AEBP2: variants seen among roughly 807,000 people sequenced by gnomAD.
AEBP2 encodes the protein AE binding protein 2, also known as zinc finger protein AEBP2.
AEBP2 carries 10 observed loss-of-function variants against 50.8 expected under a neutral mutation model. The ratio of observed to expected loss-of-function variants is 0.20; its 90% CI spans 0.12 to 0.33. The LOEUF (loss-of-function observed/expected upper bound fraction) is 0.33. Among genes scored for constraint, AEBP2 ranks in the 10% least tolerant of loss-of-function variants. The pLI is 1.00. For missense variants in AEBP2, 570 were observed against 688.0 expected (o/e 0.83, Z 1.92); for synonymous variants, 296 against 261.3 (o/e 1.13, Z -1.28).
In AEBP2 at chr12:19,404,930, C is replaced by CTTTT. The variant is rs34351225; in HGVS notation, c.-17+733_-17+736dup. ...CGTGATTCCAACTTCCTTGGCTACT[C>CTTTT]TTTTTTTTTTTTTTTTTTTTTTCAG... is the stretch of plus-strand genomic sequence containing the variant. On this transcript the variant is annotated intron_variant, in intron 1 of 3. Coordinates refer to the AEBP2 transcript ENST00000538425. 9.2e-4 allele frequency among the ~76,000 whole-genome samples: 88 copies of CTTTT among 95,672 alleles called. 4 individuals are homozygous for CTTTT. The highest frequency in any genetic ancestry group is 2.4e-3 in the African/African-American group (56 of 23,214). The allele number at this position is 95,672 out of a possible 152,430, so 62.8% of individuals were successfully genotyped here.
intron 3 of AEBP2, 65 bp from the exon 4 acceptor site, chr12:19,493,735 C>T (rs958922309): frequency 2.8e-6 from 4 of 1,442,850 alleles, no homozygotes; most frequent in Non-Finnish European, 3.8e-6. Flanking sequence ...GATATTCACT[C>T]ATTGATATTC....
chr12:19,456,796 A>G (rs1226601483), intron 1 of AEBP2: 1 of 1,568,710 alleles, frequency 6.4e-7, no homozygotes. Context: ...ACTGGAGCAA[A>G]GGTGACCACC....
chr12:19,483,495 G>A (rs1001577144), intron 3 of AEBP2, among the ~76,000 whole-genome samples: 24 of 151,952 alleles, frequency 1.6e-4, no homozygotes, highest in African/African-American at 5.6e-4. Context: ...GAATTTTTTC[G>A]GTTTGCCTGG....
chr12:19,421,344 CAAAAAA>C (rs375160231), intron 1 of AEBP2, among the ~76,000 whole-genome samples: 2 of 82,446 alleles, frequency 2.4e-5, no homozygotes, highest in East Asian at 3.5e-4. Context: ...GACTCTGTCT[CAAAAAA>C]AAAAAAAAAA....
intron 7 of AEBP2, among the ~76,000 whole-genome samples, chr12:19,516,781 C>T (rs1186186881): frequency 6.6e-6 from 1 of 152,138 alleles, no homozygotes; most frequent in East Asian, 1.9e-4. Context: ...TATCCCAACA[C>T]TTTGGGAGGC....
chr12:19,516,704 GTAGATT>G (rs1455273915), intron 7 of AEBP2, among the ~76,000 whole-genome samples: 1 of 152,074 alleles, frequency 6.6e-6, no homozygotes, highest in East Asian at 1.9e-4. Flanking sequence ...AGGTGCTTCT[GTAGATT>G]TAATTTTCCT....
At chr12:19,497,416 A>G (rs553014354) in intron 4 of AEBP2, among the ~76,000 whole-genome samples, 3 of 144,050 alleles carry the variant, frequency 2.1e-5, no homozygotes, top group South Asian at 2.2e-4. Context: ...GCTCACAGCA[A>G]CCTGTAATGT....
Position 19,520,009 on chromosome 12 carries a change from A to G in AEBP2, c.*1892A>G, listed in dbSNP as rs189008026. 6.6e-4 allele frequency: 100 copies of G among 152,660 alleles called. No homozygotes were observed. Among genetic ancestry groups the G allele is most frequent in the Middle Eastern group, 3.4e-3 (1 of 294 alleles). The allele number at this position is 152,660 out of a possible 1,614,324, so 9.5% of individuals were successfully genotyped here. On this transcript the variant is annotated 3_prime_UTR_variant, in exon 8 of 8. Coordinates refer to ENST00000266508, the MANE Select transcript of AEBP2 (RefSeq NM_153207.5). ...TTTCTTTTGCTTAAGCACTTCATCA[A>G]TTGCTTTATTCTGTATCTGCGAAGT...
chr12:19,455,634 A>G (rs2153368953), intron 1 of AEBP2, among the ~76,000 whole-genome samples: 1 of 152,342 alleles, frequency 6.6e-6, no homozygotes, highest in Non-Finnish European at 1.5e-5. Flanking sequence ...TTCTGGATGT[A>G]TGAGTGAGAC....
At position 19,440,206 on chromosome 12, in the gene AEBP2, C is replaced by A; in HGVS notation, c.507C>A (p.Gly169=). Residue 169 remains glycine (G), a synonymous_variant, in exon 1 of 8, where the codon GGC becomes GGA. Coordinates refer to ENST00000266508, the MANE Select transcript of AEBP2 (RefSeq NM_153207.5). The part of the protein sequence containing the change: ...EEPKGPRGSQ[G]GGGGGSSSSS... ...CCAAGGGACCGCGGGGCAGCCAGGGCGGCGGCGGGGGCGGCAGCAGTAGCA... is the reference window on the plus strand; with the variant it reads ...CCAAGGGACCGCGGGGCAGCCAGGGAGGCGGCGGGGGCGGCAGCAGTAGCA... 1 of 1,449,084 alleles carries A rather than the reference C, an allele frequency of 6.9e-7. No individual in the cohort carries two copies. Among genetic ancestry groups the A allele is most frequent in the East Asian group, 2.7e-5 (1 of 37,468 alleles). The allele number at this position is 1,449,084 out of a possible 1,614,324, so 89.8% of individuals were successfully genotyped here.
chr12:19,473,331 A>G lies in AEBP2; in HGVS notation c.963A>G (p.Thr321=). 1 of 1,510,848 alleles carries G rather than the reference A, an allele frequency of 6.6e-7. No homozygotes were observed. 93.6% of individuals were successfully genotyped at this position (1,510,848 alleles called of 1,614,324 possible). The change falls in exon 3 of 8, where the codon ACA becomes ACG. Residue 321 remains threonine, a synonymous_variant. Coordinates refer to ENST00000266508, the MANE Select transcript of AEBP2 (RefSeq NM_153207.5). ...SQSWLQRHML[T]HSGDKPFKCV... ...GTTGGTTACAAAGGCATATGCTGACACACAGTGGAGACAAACCTTTCAAGG... is the reference window on the plus strand; with the variant it reads ...GTTGGTTACAAAGGCATATGCTGACGCACAGTGGAGACAAACCTTTCAAGG...
chr12:19,443,660 T>C (rs925900914), intron 1 of AEBP2, among the ~76,000 whole-genome samples: 1 of 151,740 alleles, frequency 6.6e-6, no homozygotes, highest in African/African-American at 2.4e-5. Context: ...GAGGCGGAGG[T>C]TACAGTGAGC....
rs536849826 is a variant in AEBP2 at position 19,498,043 on chromosome 12, A to G, written c.1175-2054A>G. Among the ~76,000 whole-genome samples, 6 of 152,282 alleles carry G rather than the reference A, an allele frequency of 3.9e-5. 1 individual carries two copies. Among genetic ancestry groups the G allele is most frequent in the African/African-American group, 1.4e-4 (6 of 41,578 alleles). ...TAAATGCAGTGGAGATAGTGTGGTT[A>G]AGGTCTGAATGCATAGGCTGAAGAT... On this transcript the variant is annotated intron_variant, in intron 4 of 7. Transcript: ENST00000266508.
At chr12:19,440,752 G>A in intron 1 of AEBP2, 2 of 1,533,518 alleles carry the variant, frequency 1.3e-6, no homozygotes, top group Non-Finnish European at 1.7e-6. Context: ...ACCGTGTTCG[G>A]GAACACTTGT....
chr12:19,439,861 G>A lies in AEBP2; in HGVS notation c.162G>A (p.Val54=), dbSNP rs1427301323. ...AAGAGGAGGCGGAGGCCGAGGCGGTGGCGGCGCTGCTGCTGAACGGCGGCA... is the reference window on the plus strand; with the variant it reads ...AAGAGGAGGCGGAGGCCGAGGCGGTAGCGGCGCTGCTGCTGAACGGCGGCA... ...EEEEEAEAEA[V]AALLLNGGSG... Residue 54 remains valine (V), a synonymous_variant, in exon 1 of 8, where the codon GTG becomes GTA. Transcript: ENST00000266508. The A allele has an allele frequency of 6.7e-7, 1 of 1,485,246 alleles. No homozygotes were observed. Among genetic ancestry groups the A allele is most frequent in the Non-Finnish European group, 8.9e-7 (1 of 1,127,054 alleles). The allele number at this position is 1,485,246 out of a possible 1,614,324, so 92.0% of individuals were successfully genotyped here.
At chr12:19,455,879 A>G (rs542699116) in intron 1 of AEBP2, among the ~76,000 whole-genome samples, 1 of 152,280 alleles carries the variant, frequency 6.6e-6, no homozygotes, top group African/African-American at 2.4e-5. Flanking sequence ...CCATTTTACC[A>G]TATGAAACAA....
At chr12:19,466,706 A>T in intron 2 of AEBP2, 1 of 752,632 alleles carries the variant, frequency 1.3e-6, no homozygotes, top group Non-Finnish European at 1.6e-6. Context: ...TTGTTGGCCT[A>T]ATTATTTTTT....
chr12:19,465,723 C>T (rs1846849238), intron 2 of AEBP2, among the ~76,000 whole-genome samples: 1 of 150,962 alleles, frequency 6.6e-6, no homozygotes, highest in Admixed American at 6.6e-5. Flanking sequence ...AAACTTAGTA[C>T]TACTATAAAA....
intron 7 of AEBP2, among the ~76,000 whole-genome samples, chr12:19,515,587 T>C (rs538904201): frequency 1.3e-5 from 2 of 152,128 alleles, no homozygotes; most frequent in African/African-American, 4.8e-5. Flanking sequence ...GAAAGGACTT[T>C]ATATCTTTTT....
Sources: gnomAD v4.1 joint callset for allele counts (sites outside exome capture counted in the v4.1 genomes callset) on GRCh38, gnomAD v4.1.1 for gene constraint, MANE v1.5 for transcripts, NCBI Gene and HGNC (gene_info 2026-07-23, HGNC 2026-07-21) for gene names.